The following SNX29 variants were observed in gnomAD, a reference collection of about 807,000 sequenced individuals.
SNX29 encodes sorting nexin-29.
Under a neutral mutation model 102.1 loss-of-function variants are expected in SNX29, and 78 were observed. That is an observed-to-expected ratio of 0.76 (90% confidence interval 0.64 to 0.92). The LOEUF (loss-of-function observed/expected upper bound fraction) is 0.92. Among genes scored for constraint, SNX29 ranks in the 40% least tolerant of loss-of-function variants. The pLI is 0.00. For missense variants in SNX29, 1,280 were observed against 1,061.7 expected (o/e 1.21, Z -2.86); for synonymous variants, 580 against 414.5 (o/e 1.40, Z -4.85).
chr16:12,004,709 AT>A (rs2056398855), intron 3 of SNX29, among the ~76,000 whole-genome samples: 1 of 152,120 alleles, frequency 6.6e-6, no homozygotes, highest in African/African-American at 2.4e-5. Context: ...CTTTTGTAGA[AT>A]TTTAACAGCC....
intron 14 of SNX29, among the ~76,000 whole-genome samples, chr16:12,210,346 G>A (rs561727492): frequency 0.02 from 2,801 of 142,672 alleles, 85 homozygotes; most frequent in African/African-American, 0.069. Flanking sequence ...TTTTTTTAAA[G>A]ACACAGGGTC....
chr16:12,019,269 A>C (rs866204784), intron 3 of SNX29, among the ~76,000 whole-genome samples: 4 of 151,604 alleles, frequency 2.6e-5, no homozygotes, highest in Non-Finnish European at 4.4e-5. Flanking sequence ...GTGCAGTGGC[A>C]CTATCTCGGC....
At chr16:12,553,950 C>T (rs1036642121) in intron 20 of SNX29, among the ~76,000 whole-genome samples, 1 of 152,136 alleles carries the variant, frequency 6.6e-6, no homozygotes, top group African/African-American at 2.4e-5. Flanking sequence ...GCCTCAGCCA[C>T]CCAAGTAGCT....
chr16:12,299,158 G>A (rs975906177), intron 15 of SNX29, among the ~76,000 whole-genome samples: 2 of 152,108 alleles, frequency 1.3e-5, no homozygotes, highest in Non-Finnish European at 2.9e-5. Context: ...AAATTAGTTG[G>A]GTATGGTGGC....
chr16:12,536,009 C>G (rs756162350), intron 20 of SNX29, among the ~76,000 whole-genome samples: 3 of 152,174 alleles, frequency 2.0e-5, no homozygotes, highest in Non-Finnish European at 2.9e-5. Context: ...TCGACACGCA[C>G]TCGGAGCTAT....
At chr16:12,462,846 A>G (rs1458547378) in intron 18 of SNX29, among the ~76,000 whole-genome samples, 1 of 152,240 alleles carries the variant, frequency 6.6e-6, no homozygotes, top group African/African-American at 2.4e-5. Flanking sequence ...AGCAATGCAC[A>G]TGGCTAAGGG....
chr16:12,213,147 T>G (rs1244984980), intron 14 of SNX29, among the ~76,000 whole-genome samples: 1 of 151,982 alleles, frequency 6.6e-6, no homozygotes, highest in Non-Finnish European at 1.5e-5. Flanking sequence ...CAAAAAAAAC[T>G]ACTCGGACAT....
At chr16:12,028,468 A>G (rs934582289) in intron 4 of SNX29, among the ~76,000 whole-genome samples, 7 of 151,962 alleles carry the variant, frequency 4.6e-5, no homozygotes, top group African/African-American at 1.7e-4. Context: ...GGCTCAAGTG[A>G]TCCCCTTGCC....
chr16:12,422,376 C>T (rs967350957), intron 18 of SNX29, among the ~76,000 whole-genome samples: 4 of 152,210 alleles, frequency 2.6e-5, no homozygotes, highest in African/African-American at 4.8e-5. Context: ...CCTTGTGTAT[C>T]TGTTTCCCCT....
chr16:12,540,082 C>T (rs981156174), intron 20 of SNX29, among the ~76,000 whole-genome samples: 2 of 152,114 alleles, frequency 1.3e-5, no homozygotes, highest in African/African-American at 2.4e-5. Context: ...TCATGTCTAC[C>T]AATTGTTAGC....
At chr16:12,424,713 C>T (rs2084990273) in intron 18 of SNX29, among the ~76,000 whole-genome samples, 1 of 152,162 alleles carries the variant, frequency 6.6e-6, no homozygotes, top group African/African-American at 2.4e-5. Context: ...GAGTGGAGTT[C>T]TATCTGGGGG....
chr16:12,035,704 C>A (rs544650640), intron 4 of SNX29, among the ~76,000 whole-genome samples: 5 of 151,926 alleles, frequency 3.3e-5, no homozygotes, highest in Non-Finnish European at 7.4e-5. Context: ...TGTGCCCTCA[C>A]ATTCATCCCT....
intron 14 of SNX29, among the ~76,000 whole-genome samples, chr16:12,219,401 A>C (rs1202917310): frequency 6.6e-6 from 1 of 152,164 alleles, no homozygotes; most frequent in Non-Finnish European, 1.5e-5. Context: ...AACAATACTT[A>C]ACCTTTATTA....
chr16:12,126,784 T>G, intron 12 of SNX29, 88 bp downstream of exon 12: 1 of 1,478,486 alleles, frequency 6.8e-7, no homozygotes, highest in Non-Finnish European at 9.3e-7. Context: ...GAGGGACATT[T>G]TGCTTTCTTG....
In SNX29 at chr16:12,520,484, G is replaced by C. The variant is rs149030627; in HGVS notation, c.2179-4218G>C. Reference sequence around the variant, plus strand: ...AAGTTCCTCACCTTTCTGAAATTCAGTGACCAGCCTTGGCTGTGCTGTAGG... The same window carrying C: ...AAGTTCCTCACCTTTCTGAAATTCACTGACCAGCCTTGGCTGTGCTGTAGG... On this transcript the variant is annotated intron_variant, in intron 19 of 20. Transcript: ENST00000566228. Among the ~76,000 whole-genome samples the C allele has an allele frequency of 6.0e-4, 92 of 152,318 alleles. No individual in the cohort carries two copies. The South Asian group carries it at 8.5e-3, about 14-fold the overall frequency.
At chr16:12,563,826 C>G (rs950144077) in intron 20 of SNX29, among the ~76,000 whole-genome samples, 1 of 152,090 alleles carries the variant, frequency 6.6e-6, no homozygotes, top group Non-Finnish European at 1.5e-5. Context: ...TTTATTTATT[C>G]AGGCTGCCTG....
intron 3 of SNX29, among the ~76,000 whole-genome samples, chr16:12,011,217 A>G (rs115701032): frequency 0.013 from 1,810 of 142,314 alleles, 26 homozygotes; most frequent in African/African-American, 0.044. Flanking sequence ...TTGAAAAAAG[A>G]TTATTTCTAG....
chr16:12,521,053 G>T (rs572717015), intron 19 of SNX29, among the ~76,000 whole-genome samples: 4 of 152,230 alleles, frequency 2.6e-5, no homozygotes, highest in African/African-American at 7.2e-5. Context: ...CTGTGTGTGT[G>T]CCTGTAATCC....
At chr16:12,107,163 C>T (rs1480114300) in intron 11 of SNX29, among the ~76,000 whole-genome samples, 3 of 152,222 alleles carry the variant, frequency 2.0e-5, no homozygotes, top group South Asian at 2.1e-4. Context: ...ATTAGTTAAA[C>T]GGCCACAGCT....
Sources: gnomAD v4.1 joint callset for allele counts (sites outside exome capture counted in the v4.1 genomes callset) on GRCh38, gnomAD v4.1.1 for gene constraint, MANE v1.5 for transcripts, NCBI Gene and HGNC (gene_info 2026-07-23, HGNC 2026-07-21) for gene names.